The following XPO7 variants were observed in gnomAD, a reference collection of about 807,000 sequenced individuals.
The protein encoded by XPO7 is exportin-7.
Under a neutral mutation model 144.3 loss-of-function variants are expected in XPO7, and 21 were observed. The ratio of observed to expected loss-of-function variants is 0.15; its 90% confidence interval spans 0.10 to 0.21. The LOEUF is 0.21. XPO7 is among the 10% of genes least tolerant of loss of function. The pLI is 1.00. For missense variants in XPO7, 808 were observed against 1,325.8 expected, an observed-to-expected ratio of 0.61 and a Z score of 6.06; for synonymous variants, 580 against 499.6, an observed-to-expected ratio of 1.16 and a Z score of -2.15.
At chr8:21,921,660 C>T (rs1282837639) in intron 1 of XPO7, 1 of 152,182 alleles carries the variant, frequency 6.6e-6, no homozygotes, top group African/African-American at 2.4e-5. Context: ...GTTGTTCTCC[C>T]ACTCACCACT....
At chr8:21,982,619 T>G in intron 10 of XPO7, 21 bp from the exon 11 acceptor site, 1 of 1,558,870 alleles carries the variant, frequency 6.4e-7, no homozygotes, top group African/African-American at 1.4e-5. Flanking sequence ...ATATGCCTTC[T>G]GCTTTTCTAC....
intron 1 of XPO7, among the ~76,000 whole-genome samples, chr8:21,951,382 T>A (rs868480592): frequency 2.6e-5 from 4 of 152,294 alleles, no homozygotes; most frequent in Middle Eastern, 3.4e-3. Flanking sequence ...CTGTTTTTTT[T>A]ATAGTATTTA....
chr8:21,959,992 G>C lies in XPO7; in HGVS notation c.19-6865G>C, dbSNP rs531465189. Among the ~76,000 whole-genome samples, 3 of 152,294 alleles carry C rather than the reference G, an allele frequency of 2.0e-5. No individual in the cohort carries two copies. In the South Asian group the frequency reaches 6.2e-4, roughly 32 times the overall value. ...AGTACCCAAAGTTCAGCCCAAATCT[G>C]TTGTCCTATCATGCATGACACTTTT... is the stretch of plus-strand genomic sequence containing the variant. On this transcript the variant is annotated intron_variant, in intron 1 of 27. Coordinates refer to ENST00000252512, the MANE Select transcript of XPO7 (RefSeq NM_015024.5).
At chr8:21,995,802 C>CA (rs1292700359) in intron 21 of XPO7, among the ~76,000 whole-genome samples, 4 of 152,040 alleles carry the variant, frequency 2.6e-5, no homozygotes, top group Non-Finnish European at 5.9e-5. Context: ...GGAAATAAGT[C>CA]ACTTTTTTTG....
At chr8:21,982,298 C>T (rs552323621) in intron 10 of XPO7, among the ~76,000 whole-genome samples, 1 of 152,100 alleles carries the variant, frequency 6.6e-6, no homozygotes, top group Non-Finnish European at 1.5e-5. Flanking sequence ...AGTCTTATCC[C>T]CATAATTTCT....
chr8:21,932,720 T>G (rs1810692362), intron 1 of XPO7, among the ~76,000 whole-genome samples: 1 of 152,186 alleles, frequency 6.6e-6, no homozygotes, highest in Non-Finnish European at 1.5e-5. Flanking sequence ...TTTAAATGTT[T>G]AGATGACAAT....
At chr8:21,956,835 C>T (rs1405736537) in intron 1 of XPO7, among the ~76,000 whole-genome samples, 1 of 151,558 alleles carries the variant, frequency 6.6e-6, no homozygotes, top group African/African-American at 2.4e-5. Flanking sequence ...TTTCCTTCTC[C>T]CTATATAGTT....
At position 21,999,666 on chromosome 8, in the gene XPO7, C is replaced by T; in HGVS notation, c.2774C>T (p.Thr925Ile). The change falls in exon 24 of 28, where the codon ACT (threonine) becomes ATT (isoleucine). Residue 925 changes from threonine (T) to isoleucine (I), a missense_variant. This residue lies in a region of XPO7 where 140 missense variants were observed against 237.9 expected (regional missense o/e 0.59). Coordinates refer to ENST00000252512, the MANE Select transcript of XPO7 (RefSeq NM_015024.5). ...CTCTCTTCCATTTCTGAAGGACTTA[C>T]TGCACTTGGTAAGCACCTGAGGTGG... The part of the protein sequence containing the change: ...YILSSISEGL[T>I]ALDTMVCTGC... The T allele has an allele frequency of 6.2e-7, 1 of 1,614,040 alleles. No individual in the cohort carries two copies.
At chr8:21,958,824 G>C (rs2117307159) in intron 1 of XPO7, among the ~76,000 whole-genome samples, 1 of 152,172 alleles carries the variant, frequency 6.6e-6, no homozygotes, top group African/African-American at 2.4e-5. Flanking sequence ...AGCCGAACAT[G>C]GTGGCGCACA....
intron 1 of XPO7, among the ~76,000 whole-genome samples, chr8:21,947,021 T>C (rs1158971175): frequency 6.6e-6 from 1 of 152,194 alleles, no homozygotes; most frequent in Non-Finnish European, 1.5e-5. Context: ...ACATCTTTAC[T>C]TAAGGAACTT....
At chr8:21,922,258 ATCTC>A (rs1019094165) in intron 1 of XPO7, among the ~76,000 whole-genome samples, 3 of 152,282 alleles carry the variant, frequency 2.0e-5, no homozygotes, top group Non-Finnish European at 4.4e-5. Context: ...TGTCTTGGAT[ATCTC>A]TCTTCTAAGG....
intron 19 of XPO7, among the ~76,000 whole-genome samples, chr8:21,993,791 C>G (rs1011729155): frequency 2.6e-5 from 4 of 151,940 alleles, no homozygotes. Flanking sequence ...CTTTGTCTTC[C>G]TCCTGGCAGG....
chr8:21,942,553 G>C (rs1016572459), intron 1 of XPO7, among the ~76,000 whole-genome samples: 1 of 152,094 alleles, frequency 6.6e-6, no homozygotes, highest in African/African-American at 2.4e-5. Flanking sequence ...ACGTTGTTTT[G>C]GTTGAAGTGT....
At chr8:21,929,925 A>G (rs1810589180) in intron 1 of XPO7, among the ~76,000 whole-genome samples, 2 of 152,208 alleles carry the variant, frequency 1.3e-5, no homozygotes, top group South Asian at 2.1e-4. Context: ...TGTTCTTAAC[A>G]TAGAGATGTT....
intron 1 of XPO7, among the ~76,000 whole-genome samples, chr8:21,954,030 T>C (rs1260046769): frequency 6.6e-6 from 1 of 152,196 alleles, no homozygotes; most frequent in Non-Finnish European, 1.5e-5. Flanking sequence ...TAGTAACATA[T>C]AGAAAGAAGA....
chr8:21,939,047 A>T (rs1239964334), intron 1 of XPO7, among the ~76,000 whole-genome samples: 1 of 152,172 alleles, frequency 6.6e-6, no homozygotes, highest in African/African-American at 2.4e-5. Flanking sequence ...GGATACATGA[A>T]ATATACTCCC....
intron 1 of XPO7, among the ~76,000 whole-genome samples, chr8:21,927,201 A>G (rs998114767): frequency 6.6e-6 from 1 of 151,522 alleles, no homozygotes; most frequent in African/African-American, 2.4e-5. Flanking sequence ...AGCCTGGGTA[A>G]CATAGCAAGA....
chr8:21,999,212 C>T lies in XPO7; in HGVS notation c.2550C>T (p.Phe850=), dbSNP rs774384400. Residue 850 remains phenylalanine (F), a synonymous_variant, in exon 23 of 28, where the codon TTC becomes TTT. Coordinates refer to ENST00000252512, the MANE Select transcript of XPO7 (RefSeq NM_015024.5). ...CTCTCAGTGGGAGTTACGTCAATTT[C>T]GGAGTCTTTCGTCTCTATGGAGACG... ...KAALSGSYVN[F]GVFRLYGDDA... 13 of 1,613,854 alleles carry T rather than the reference C, an allele frequency of 8.1e-6. No individual in the cohort carries two copies. In the Admixed American group the frequency reaches 1.0e-4, roughly 12 times the overall value.
At chr8:21,982,557 G>T (rs1812441294) in intron 10 of XPO7, 83 bp from the exon 11 acceptor site, 3 of 1,442,528 alleles carry the variant, frequency 2.1e-6, no homozygotes, top group African/African-American at 1.4e-5. Flanking sequence ...AAAGAAAAAA[G>T]TCTTTATCTT....
Sources: gnomAD v4.1 joint callset for allele counts (sites outside exome capture counted in the v4.1 genomes callset) on GRCh38, gnomAD v4.1.1 for gene constraint, gnomAD v4.1.1 regional missense constraint, MANE v1.5 for transcripts, NCBI Gene and HGNC (gene_info 2026-07-23, HGNC 2026-07-21) for gene names.